Variants in PLCL1 observed in about 807,000 individuals in gnomAD.
The protein encoded by PLCL1 is inactive phospholipase C-like protein 1.
PLCL1 carries 41 observed loss-of-function variants against 84.4 expected under a neutral mutation model. The observed-to-expected ratio is 0.49, with a 90% CI of 0.38 to 0.63. PLCL1 has a LOEUF of 0.63. PLCL1 is among the 30% of genes least tolerant of loss of function. PLCL1 has a pLI of 0.00. For missense variants in PLCL1, 1,206 were observed against 1,367.8 expected, an observed-to-expected ratio of 0.88 and a Z score of 1.87; for synonymous variants, 490 against 488.3, an observed-to-expected ratio of 1.00 and a Z score of -0.05.
intron 1 of PLCL1, among the ~76,000 whole-genome samples, chr2:197,987,202 A>G (rs1183084729): frequency 1.3e-5 from 2 of 152,246 alleles, no homozygotes; most frequent in Non-Finnish European, 2.9e-5. Flanking sequence ...AAACTGTTGG[A>G]CCATAAGTCT....
intron 1 of PLCL1, among the ~76,000 whole-genome samples, chr2:197,988,347 G>T (rs184708243): frequency 6.6e-6 from 1 of 152,198 alleles, no homozygotes; most frequent in East Asian, 1.9e-4. Flanking sequence ...AGTGTACATT[G>T]TACCCAATAT....
At chr2:198,064,533 T>C (rs1333378806) in intron 1 of PLCL1, among the ~76,000 whole-genome samples, 1 of 152,178 alleles carries the variant, frequency 6.6e-6, no homozygotes, top group Non-Finnish European at 1.5e-5. Context: ...ATGTTCACTT[T>C]ATAATCTATT....
chr2:197,813,275 C>T (rs768328565), intron 1 of PLCL1, among the ~76,000 whole-genome samples: 2 of 152,278 alleles, frequency 1.3e-5, no homozygotes, highest in South Asian at 2.1e-4. Flanking sequence ...CCTTTGAAAG[C>T]TTCCTCCCCA....
At chr2:197,872,628 A>G (rs1010394131) in intron 1 of PLCL1, among the ~76,000 whole-genome samples, 2 of 152,172 alleles carry the variant, frequency 1.3e-5, no homozygotes, top group Non-Finnish European at 2.9e-5. Flanking sequence ...GGCAATGATG[A>G]CAATGATCAT....
At chr2:198,133,501 A>G (rs1694178848) in intron 5 of PLCL1, among the ~76,000 whole-genome samples, 1 of 150,836 alleles carries the variant, frequency 6.6e-6, no homozygotes, top group Admixed American at 6.6e-5. Flanking sequence ...CAATGTGCAC[A>G]TGTACCCTAA....
chr2:197,960,453 C>T (rs1236254633), intron 1 of PLCL1, among the ~76,000 whole-genome samples: 1 of 152,114 alleles, frequency 6.6e-6, no homozygotes, highest in Admixed American at 6.6e-5. Flanking sequence ...CAAATTACTT[C>T]AACCAGGACA....
chr2:198,140,377 T>A (rs190820859), intron 5 of PLCL1, among the ~76,000 whole-genome samples: 7 of 152,278 alleles, frequency 4.6e-5, no homozygotes, highest in African/African-American at 1.4e-4. Context: ...CATAAAATTG[T>A]CTCCTTATAT....
intron 1 of PLCL1, among the ~76,000 whole-genome samples, chr2:197,971,567 T>C (rs548424473): frequency 6.6e-6 from 1 of 152,152 alleles, no homozygotes; most frequent in Admixed American, 6.6e-5. Context: ...GGAAGATAGA[T>C]ACTCTCATCA....
At chr2:197,820,232 C>T (rs1209301399) in intron 1 of PLCL1, among the ~76,000 whole-genome samples, 1 of 152,086 alleles carries the variant, frequency 6.6e-6, no homozygotes, top group Non-Finnish European at 1.5e-5. Flanking sequence ...GCTTCTGACT[C>T]TTCAAAACTT....
intron 1 of PLCL1, among the ~76,000 whole-genome samples, chr2:197,832,281 G>A (rs1413780831): frequency 1.3e-5 from 2 of 152,008 alleles, no homozygotes; most frequent in Non-Finnish European, 2.9e-5. Flanking sequence ...GAAGAAAAGA[G>A]AGAAGAATCA....
intron 1 of PLCL1, among the ~76,000 whole-genome samples, chr2:197,958,178 T>A (rs1689529167): frequency 6.6e-6 from 1 of 152,030 alleles, no homozygotes; most frequent in Non-Finnish European, 1.5e-5. Context: ...TAGCCTTTTT[T>A]TTTGGTGAGG....
chr2:198,061,472 C>G (rs1692197418), intron 1 of PLCL1, among the ~76,000 whole-genome samples: 1 of 151,746 alleles, frequency 6.6e-6, no homozygotes, highest in Non-Finnish European at 1.5e-5. Flanking sequence ...ACAGCTGTTG[C>G]CTAAGAGGGG....
intron 5 of PLCL1, among the ~76,000 whole-genome samples, chr2:198,117,905 A>G (rs1693783236): frequency 6.6e-6 from 1 of 151,844 alleles, no homozygotes. Context: ...CTTTATCAAT[A>G]GTACATTTTA....
intron 1 of PLCL1, among the ~76,000 whole-genome samples, chr2:197,858,004 T>C (rs1416801420): frequency 6.6e-6 from 1 of 152,174 alleles, no homozygotes; most frequent in Non-Finnish European, 1.5e-5. Flanking sequence ...CTCTTACTCC[T>C]ACATCATGGG....
chr2:197,933,296 C>T (rs1240512829), intron 1 of PLCL1, among the ~76,000 whole-genome samples: 2 of 131,328 alleles, frequency 1.5e-5, no homozygotes, highest in South Asian at 2.4e-4. Flanking sequence ...CGGAGTCTCT[C>T]TCTGTTGCCC....
intron 3 of PLCL1, among the ~76,000 whole-genome samples, chr2:198,092,618 A>G (rs941344638): frequency 3.9e-5 from 6 of 152,134 alleles, no homozygotes; most frequent in South Asian, 4.1e-4. Context: ...GAACACCATA[A>G]TTTATTCCTC....
At chr2:197,887,919 C>G (rs953081520) in intron 1 of PLCL1, among the ~76,000 whole-genome samples, 3 of 152,032 alleles carry the variant, frequency 2.0e-5, no homozygotes, top group Non-Finnish European at 2.9e-5. Flanking sequence ...GCCTGGGCAA[C>G]ATAGTGAGAC....
rs74507483 is a variant in PLCL1, at chr2:198,024,762, C to CAAA, written c.241-58985_241-58983dup. On this transcript the variant is annotated intron_variant, in intron 1 of 5. Transcript: ENST00000428675. The stretch of plus-strand genomic sequence containing the variant: ...TTGGCAACAAGAGCGAAATCTATCT[C>CAAA]AAAAAAAAAAAAACAATTACTACGA... Among the ~76,000 whole-genome samples, 672 of 139,286 alleles carry CAAA rather than the reference C, an allele frequency of 4.8e-3. 6 individuals are homozygous for CAAA. Among genetic ancestry groups the CAAA allele is most frequent in the African/African-American group, 0.016 (608 of 38,030 alleles). The allele number at this position is 139,286 out of a possible 152,430, so 91.4% of individuals were successfully genotyped here. A position where few individuals can be genotyped will look rare whatever the true frequency, so the allele number is the denominator to read the frequency against.
chr2:198,102,012 A>G (rs191619451), intron 4 of PLCL1, among the ~76,000 whole-genome samples: 168 of 152,062 alleles, frequency 1.1e-3, no homozygotes, highest in African/African-American at 3.5e-3. Flanking sequence ...ACTCATGACA[A>G]CTCTGCAAAG....
Sources: allele counts gnomAD v4.1 joint callset (sites outside exome capture counted in the v4.1 genomes callset), GRCh38; gene constraint gnomAD v4.1.1; transcripts MANE v1.5; gene names NCBI Gene and HGNC (gene_info 2026-07-23, HGNC 2026-07-21).